The following MTCH1 variants were observed in gnomAD, a reference collection of about 807,000 sequenced individuals.
MTCH1 encodes the protein mitochondrial carrier 1, also known as mitochondrial carrier homolog 1.
A neutral mutation model predicts 49.3 loss-of-function variants in MTCH1; 23 were observed. That is an observed-to-expected ratio of 0.47 (90% CI 0.34 to 0.66). The LOEUF (loss-of-function observed/expected upper bound fraction) is 0.66. Ranked by LOEUF, MTCH1 falls within the 30% of genes least tolerant of loss-of-function variation. MTCH1 has a pLI of 0.01. For synonymous variants in MTCH1, 229 were observed against 215.2 expected (o/e 1.06, Z -0.56); for missense variants, 397 against 532.1 (o/e 0.75, Z 2.50).
At chr6:36,986,409 T>G (rs1358646522), upstream of MTCH1, 1 of 334,862 alleles carries the variant, frequency 3.0e-6, no homozygotes, top group Non-Finnish European at 5.3e-6. Flanking sequence ...TCGGGAGCTG[T>G]GGCGGCAGCC....
chr6:36,969,825 T>A (rs1763608439), intron 11 of MTCH1: 3 of 1,511,178 alleles, frequency 2.0e-6, no homozygotes, highest in African/African-American at 1.4e-5. Flanking sequence ...TGATGTATAA[T>A]CTTAAAATAA....
rs11548575 is a variant in MTCH1, at chr6:36,978,571, G to A, written c.447C>T (p.Phe149=). ...IVQVDGKIGL[F]RGLSPRLMSN... ...ACATCAGCCGGGGACTCAGGCCTCG[G>A]AACAGCCCTATCTTACCATCCACTT... is the stretch of plus-strand genomic sequence containing the variant. The change falls in exon 3 of 12, where the codon TTC becomes TTT. Residue 149 remains phenylalanine, a synonymous_variant. Coordinates refer to ENST00000373627, the MANE Select transcript of MTCH1 (RefSeq NM_001271641.2). 6.2e-7 allele frequency: 1 copy of A among 1,614,044 alleles called. No individual in the cohort carries two copies. The highest frequency in any genetic ancestry group is 2.2e-5 in the East Asian group (1 of 44,892).
rs972904402 is a variant in MTCH1, at chr6:36,982,461, C to G, written c.322-789G>C. ...TGGCGTGCTCTCAGCTCACCGCAAC[C>G]TCCACCTCCTCCACCTCCCGGGTTC... On this transcript the variant is annotated intron_variant, in intron 1 of 11. Coordinates refer to ENST00000373627, the MANE Select transcript of MTCH1 (RefSeq NM_001271641.2). This position sits in a 1 kb window ranked among gnomAD's most constrained non-coding sequence, Gnocchi z 4.1. Among the ~76,000 whole-genome samples, 3 of 152,206 alleles carry G rather than the reference C, an allele frequency of 2.0e-5. No individual in the cohort carries two copies. In the East Asian group the frequency reaches 5.8e-4, roughly 29 times the overall value.
At chr6:36,978,054 C>T in intron 4 of MTCH1, 24 bp downstream of exon 4, 1 of 1,590,230 alleles carries the variant, frequency 6.3e-7, no homozygotes, top group South Asian at 1.1e-5. Context: ...ACGCACCTCT[C>T]CCTCTCCAAC....
In MTCH1 at chr6:36,986,000, A is replaced by G. The variant is rs1764296695; in HGVS notation, c.174T>C (p.Ala58=). Reference sequence around the variant, plus strand: ...CATCCATCCTGCGGGCCGAGGGCTGAGCCGCAGGCCGAGGGTGGCGAGGAT... The same window carrying G: ...CATCCATCCTGCGGGCCGAGGGCTGGGCCGCAGGCCGAGGGTGGCGAGGAT... ...RAHPRHPRPA[A]QPSARRMDGG... Residue 58 remains alanine (A), a synonymous_variant, in exon 1 of 12, where the codon GCT becomes GCC. Coordinates refer to ENST00000373627, the MANE Select transcript of MTCH1 (RefSeq NM_001271641.2). 1 of 1,537,394 alleles carries G rather than the reference A, an allele frequency of 6.5e-7. No individual in the cohort carries two copies. Among genetic ancestry groups the G allele is most frequent in the East Asian group, 2.6e-5 (1 of 39,092 alleles).
intron 8 of MTCH1, 26 bp from the exon 9 acceptor site, chr6:36,970,720 T>C (rs745464867): frequency 9.9e-6 from 16 of 1,612,472 alleles, no homozygotes; most frequent in Admixed American, 6.7e-5. Context: ...GGAAGAGTGG[T>C]TTGCCACAGG....
At chr6:36,984,821 T>G (rs1764239062) in intron 1 of MTCH1, among the ~76,000 whole-genome samples, 1 of 152,130 alleles carries the variant, frequency 6.6e-6, no homozygotes, top group Non-Finnish European at 1.5e-5. Flanking sequence ...TACCTCGGTC[T>G]CAATTTCTGG....
In MTCH1 at chr6:36,970,771, C is replaced by G. The variant is rs1561903803; in HGVS notation, c.907-77G>C. The G allele has an allele frequency of 1.6e-5, 24 of 1,476,394 alleles. No homozygotes were observed. The East Asian group carries it at 5.5e-4, about 34-fold the overall frequency. The allele number at this position is 1,476,394 out of a possible 1,614,324, so 91.5% of individuals were successfully genotyped here. On this transcript the variant is annotated intron_variant, in intron 8 of 11. Coordinates refer to ENST00000373627, the MANE Select transcript of MTCH1 (RefSeq NM_001271641.2). ...ACTTCAGCAACACATGCCCTCACCC[C>G]ACCCTCTGTGCTGAGCTCCTCACAA...
intron 1 of MTCH1, among the ~76,000 whole-genome samples, chr6:36,983,835 C>G (rs543433936): frequency 1.3e-5 from 2 of 152,298 alleles, no homozygotes; most frequent in Admixed American, 6.5e-5. Flanking sequence ...AGTTATTACT[C>G]TGATTCCCAA....
rs750043934 is a variant in MTCH1 at position 36,986,018 on chromosome 6, G to A, written c.156C>T (p.Arg52=). The A allele has an allele frequency of 1.7e-5, 26 of 1,523,946 alleles. 1 individual carries two copies. In the South Asian group the frequency reaches 3.1e-4, roughly 18 times the overall value. The allele number at this position is 1,523,946 out of a possible 1,614,324, so 94.4% of individuals were successfully genotyped here. A position where few individuals can be genotyped will look rare whatever the true frequency, so the allele number is the denominator to read the frequency against. ...AGGGCTGAGCCGCAGGCCGAGGGTG[G>A]CGAGGATGTGCGCGGTGCGCGGGCG... ...DPPPAHRAHP[R]HPRPAAQPSA... Residue 52 remains arginine (R), a synonymous_variant, in exon 1 of 12, where the codon CGC becomes CGT. Coordinates refer to ENST00000373627, the MANE Select transcript of MTCH1 (RefSeq NM_001271641.2).
At chr6:36,978,223 G>A (rs1763960432) in intron 3 of MTCH1, 68 bp from the exon 4 acceptor site, 1 of 1,393,114 alleles carries the variant, frequency 7.2e-7, no homozygotes, top group Admixed American at 1.7e-5. Context: ...GGGGACTTGG[G>A]CGGCAGGAAC....
chr6:36,976,954 C>A (rs1464964762), intron 6 of MTCH1, among the ~76,000 whole-genome samples: 1 of 152,206 alleles, frequency 6.6e-6, no homozygotes, highest in East Asian at 1.9e-4. Flanking sequence ...TGACTACAAT[C>A]CCACTCACCC....
intron 11 of MTCH1, chr6:36,969,224 C>T (rs1175815475): frequency 2.0e-6 from 2 of 985,318 alleles, no homozygotes; most frequent in Non-Finnish European, 2.4e-6. Context: ...AGGCTCATTG[C>T]CCCTCTTGCT....
upstream of MTCH1, chr6:36,986,269 C>CG: frequency 1.8e-6 from 2 of 1,142,796 alleles, no homozygotes; most frequent in Non-Finnish European, 2.3e-6. Context: ...CTCCAGGCCG[C>CG]GGGGGAGCTC....
rs949518543 is a variant in MTCH1, at chr6:36,977,350, G to A, written c.650-100C>T. 25 of 1,298,798 alleles carry A rather than the reference G, an allele frequency of 1.9e-5. No individual in the cohort carries two copies. Among genetic ancestry groups the A allele is most frequent in the Non-Finnish European group, 2.3e-5 (21 of 904,376 alleles). The allele number at this position is 1,298,798 out of a possible 1,614,324, so 80.5% of individuals were successfully genotyped here. A position where few individuals can be genotyped will look rare whatever the true frequency, so the allele number is the denominator to read the frequency against. On this transcript the variant is annotated intron_variant, in intron 5 of 11. Transcript: ENST00000373627. The surrounding 1 kb of genome is among the most constrained non-coding windows in gnomAD (Gnocchi z 5.4). ...AGGTGCAGAGTGGCCACTGAACAAC[G>A]TGGCCTATTCAGAGAGCAGGAGAGG...
chr6:36,969,687 C>T (rs2150743934), intron 11 of MTCH1: 1 of 1,209,768 alleles, frequency 8.3e-7, no homozygotes, highest in South Asian at 1.6e-5. Flanking sequence ...GGTTACAGAC[C>T]TCGAATTTTC....
chr6:36,969,806 G>T, intron 11 of MTCH1: 2 of 1,470,272 alleles, frequency 1.4e-6, no homozygotes, highest in Non-Finnish European at 1.8e-6. Context: ...AAGAAGAAAA[G>T]GTCTTGTCTG....
intron 1 of MTCH1, 97 bp from the exon 2 acceptor site, chr6:36,981,769 T>C: frequency 1.0e-6 from 1 of 1,003,552 alleles, no homozygotes; most frequent in East Asian, 2.9e-5. Context: ...GCTTAACTCT[T>C]CTCCCACAAA....
Position 36,978,001 on chromosome 6 carries a change from G to T in MTCH1, c.591+77C>A. 2.3e-6 allele frequency: 3 copies of T among 1,319,180 alleles called. No homozygotes were observed. The South Asian group carries it at 3.6e-5, about 16-fold the overall frequency. 81.7% of individuals were successfully genotyped at this position (1,319,180 alleles called of 1,614,324 possible). A position where few individuals can be genotyped will look rare whatever the true frequency, so the allele number is the denominator to read the frequency against. ...GGACCCAACTCTTCGACTTGTCAAT[G>T]ACCCGCCCAACTTGGGGGTGAGAAA... is the stretch of plus-strand genomic sequence containing the variant. On this transcript the variant is annotated intron_variant, in intron 4 of 11. Transcript: ENST00000373627.
Sources: gnomAD v4.1 joint callset for allele counts (sites outside exome capture counted in the v4.1 genomes callset) on GRCh38, gnomAD v4.1.1 for gene constraint, Gnocchi (gnomAD v3.1) non-coding constraint, MANE v1.5 for transcripts, NCBI Gene and HGNC (gene_info 2026-07-23, HGNC 2026-07-21) for gene names.